KDM8: variants seen among roughly 807,000 people sequenced by gnomAD.
KDM8 encodes the protein bifunctional peptidase and arginyl-hydroxylase JMJD5.
KDM8 carries 35 observed loss-of-function variants against 46.9 expected under a neutral mutation model. The ratio of observed to expected loss-of-function variants is 0.75; its 90% CI spans 0.57 to 0.99. The LOEUF (loss-of-function observed/expected upper bound fraction) is 0.99. Among genes scored for constraint, KDM8 ranks in the 50% least tolerant of loss-of-function variants. KDM8 has a pLI of 0.00. For missense variants in KDM8, 475 were observed against 537.0 expected (o/e 0.88, Z 1.14); for synonymous variants, 232 against 227.7 (o/e 1.02, Z -0.17).
chr16:27,204,255 G>A, intron 1 of KDM8: 2 of 1,407,026 alleles, frequency 1.4e-6, no homozygotes, highest in Non-Finnish European at 1.9e-6. Flanking sequence ...TTAACGATGG[G>A]CATCGGTGCG....
At position 27,221,638 on chromosome 16, in the gene KDM8, G is replaced by A. The variant is rs2083629730; in HGVS notation, c.*908G>A. The A allele has an allele frequency of 6.6e-6, 1 of 152,282 alleles. No homozygotes were observed. The highest frequency in any genetic ancestry group is 1.9e-4 in the East Asian group (1 of 5,200). 9.4% of individuals were successfully genotyped at this position (152,282 alleles called of 1,614,324 possible). ...GATTTGAGGCCAGGGGGAGAGCCAG[G>A]CTCTATGCTTTCTGTAATTGTGTCT... On this transcript the variant is annotated 3_prime_UTR_variant, in exon 8 of 8. Transcript: ENST00000286096.
In KDM8 at chr16:27,204,214, C is replaced by G. The variant is rs374475552; in HGVS notation, c.-32+578C>G. On this transcript the variant is annotated intron_variant, in intron 1 of 7. Transcript: ENST00000286096. ...TCTGGGGCCTGGGTGTGTGACTGCC[C>G]TAAGGAAAGGTGCTTGTAGCTCGGT... 9.4e-5 allele frequency: 136 copies of G among 1,447,700 alleles called. No homozygotes were observed. In the East Asian group the frequency reaches 1.9e-3, roughly 20 times the overall value. 89.7% of individuals were successfully genotyped at this position (1,447,700 alleles called of 1,614,324 possible).
intron 1 of KDM8, among the ~76,000 whole-genome samples, chr16:27,207,215 C>G (rs1375544152): frequency 1.3e-5 from 2 of 152,188 alleles, no homozygotes; most frequent in Non-Finnish European, 2.9e-5. Context: ...GGAGACCAGC[C>G]TGGCCAACAT....
At chr16:27,205,011 G>C (rs527709373) in intron 1 of KDM8, among the ~76,000 whole-genome samples, 1 of 152,236 alleles carries the variant, frequency 6.6e-6, no homozygotes, top group South Asian at 2.1e-4. Context: ...GGGTGACAGA[G>C]CGAGACTCCG....
In KDM8 at chr16:27,203,553, G is replaced by A. The variant is rs1383703471; in HGVS notation, c.-115G>A. On this transcript the variant is annotated 5_prime_UTR_variant, in exon 1 of 8. Transcript: ENST00000286096. ...TCCTATGCTAGCCTCTGGCTCCTCA[G>A]GGGACACAGCCGAGTGGTCGGACCA... 1 of 153,106 alleles carries A rather than the reference G, an allele frequency of 6.5e-6. No homozygotes were observed. Among genetic ancestry groups the A allele is most frequent in the Non-Finnish European group, 1.5e-5 (1 of 68,308 alleles). 9.5% of individuals were successfully genotyped at this position (153,106 alleles called of 1,614,324 possible).
At chr16:27,219,168 C>A in intron 6 of KDM8, 58 bp downstream of exon 6, 8 of 1,497,396 alleles carry the variant, frequency 5.3e-6, no homozygotes, top group East Asian at 2.4e-5. Flanking sequence ...GACACCTGGC[C>A]GGCCACATTC....
At chr16:27,204,416 T>G in intron 1 of KDM8, 4 of 1,163,210 alleles carry the variant, frequency 3.4e-6, no homozygotes, top group Non-Finnish European at 4.4e-6. Flanking sequence ...TGCCATGAAT[T>G]AAAGCTTTCT....
Position 27,220,827 on chromosome 16 carries a change from C to A in KDM8, c.*97C>A. 7.0e-7 allele frequency: 1 copy of A among 1,437,144 alleles called. No homozygotes were observed. Among genetic ancestry groups the A allele is most frequent in the African/African-American group, 1.4e-5 (1 of 71,512 alleles). 89.0% of individuals were successfully genotyped at this position (1,437,144 alleles called of 1,614,324 possible). ...ATCTATAGAGACAAGCAGGACTGAACCTGTGTCCTGAAGAGCCTTCACTGC... is the reference window on the plus strand; with the variant it reads ...ATCTATAGAGACAAGCAGGACTGAAACTGTGTCCTGAAGAGCCTTCACTGC... On this transcript the variant is annotated 3_prime_UTR_variant, in exon 8 of 8. Transcript: ENST00000286096.
At chr16:27,205,835 C>CA (rs926758613) in intron 1 of KDM8, among the ~76,000 whole-genome samples, 1 of 151,352 alleles carries the variant, frequency 6.6e-6, no homozygotes, top group Non-Finnish European at 1.5e-5. Flanking sequence ...GACTCTGTCT[C>CA]AAAAAAAATA....
intron 3 of KDM8, chr16:27,214,567 C>A: frequency 3.1e-6 from 1 of 325,988 alleles, no homozygotes; most frequent in East Asian, 5.6e-5. Flanking sequence ...GGTTTCTCAG[C>A]TTAGTGACAA....
At chr16:27,206,248 A>G in intron 1 of KDM8, 1 of 977,660 alleles carries the variant, frequency 1.0e-6, no homozygotes, top group Non-Finnish European at 1.2e-6. Flanking sequence ...TGTTTGTTTA[A>G]TGTAAGCCTT....
chr16:27,216,768 G>T (rs964440413), intron 5 of KDM8, among the ~76,000 whole-genome samples: 10 of 152,136 alleles, frequency 6.6e-5, no homozygotes, highest in Admixed American at 6.5e-4. Context: ...TGCATCCTGC[G>T]TCCTGTCCAT....
rs548433837 is a variant in KDM8, at chr16:27,221,600, C to T, written c.*870C>T. The T allele has an allele frequency of 6.6e-6, 1 of 152,310 alleles. No individual in the cohort carries two copies. The highest frequency in any genetic ancestry group is 2.1e-4 in the South Asian group (1 of 4,834). The allele number at this position is 152,310 out of a possible 1,614,324, so 9.4% of individuals were successfully genotyped here. A position where few individuals can be genotyped will look rare whatever the true frequency, so the allele number is the denominator to read the frequency against. ...TCACCATCCCCCAGAAGTAATGACT[C>T]TCAAACCTGGGGGATTTGAGGCCAG... is the stretch of plus-strand genomic sequence containing the variant. On this transcript the variant is annotated 3_prime_UTR_variant, in exon 8 of 8. Transcript: ENST00000286096.
rs777145852 is a variant in KDM8 at position 27,210,547 on chromosome 16, G to A, written c.424G>A (p.Ala142Thr). ...AILGDILLKVAAILQTHLPGK... is the reference protein window; with the variant it reads ...AILGDILLKVTAILQTHLPGK... ...CCTGGGGGACATCCTTCTTAAAGTC[G>A]CTGCCATCCTCCAGACACACCTCCC... The change falls in exon 2 of 8, where the codon GCT becomes ACT. Residue 142 changes from alanine to threonine, a missense_variant. Ala to Thr is a moderately conservative substitution (Grantham distance 58). Coordinates refer to ENST00000286096, the MANE Select transcript of KDM8 (RefSeq NM_024773.3). 10 of 1,534,468 alleles carry A rather than the reference G, an allele frequency of 6.5e-6. No homozygotes were observed. The highest frequency in any genetic ancestry group is 4.0e-5 in the Admixed American group (2 of 49,654).
At chr16:27,218,608 G>A (rs569272373) in intron 5 of KDM8, among the ~76,000 whole-genome samples, 4 of 152,346 alleles carry the variant, frequency 2.6e-5, no homozygotes, top group East Asian at 1.9e-4. Flanking sequence ...TTGGGAGGCC[G>A]AGGCGGGTGG....
chr16:27,216,045 C>T (rs2083547218), intron 5 of KDM8, 56 bp downstream of exon 5: 2 of 1,581,032 alleles, frequency 1.3e-6, no homozygotes, highest in African/African-American at 2.7e-5. Flanking sequence ...CCCTCTCCTC[C>T]CCTCCTGGGC....
At chr16:27,217,087 T>C (rs2140973976) in intron 5 of KDM8, among the ~76,000 whole-genome samples, 1 of 152,328 alleles carries the variant, frequency 6.6e-6, no homozygotes, top group African/African-American at 2.4e-5. Flanking sequence ...GTCCCAGAGC[T>C]GAGTGTCTAC....
At chr16:27,220,280 G>A (rs1596660948) in intron 6 of KDM8, 113 bp from the exon 7 acceptor site, 1 of 832,296 alleles carries the variant, frequency 1.2e-6, no homozygotes, top group Non-Finnish European at 2.1e-6. Flanking sequence ...GTGTGGTGGG[G>A]AAGGGCAGGC....
rs1230719184 is a variant in KDM8 at position 27,221,766 on chromosome 16, G to C, written c.*1036G>C. On this transcript the variant is annotated 3_prime_UTR_variant, in exon 8 of 8. Coordinates refer to ENST00000286096, the MANE Select transcript of KDM8 (RefSeq NM_024773.3). ...CTAAATAGAGATGGGATCTTGCTAT[G>C]TTGCCCAGGCTGGTCTTGAACTTCT... The C allele has an allele frequency of 6.6e-6, 1 of 152,334 alleles. No homozygotes were observed. The highest frequency in any genetic ancestry group is 2.4e-5 in the African/African-American group (1 of 41,450). The allele number at this position is 152,334 out of a possible 1,614,324, so 9.4% of individuals were successfully genotyped here. A position where few individuals can be genotyped will look rare whatever the true frequency, so the allele number is the denominator to read the frequency against.
Sources: allele counts gnomAD v4.1 joint callset (sites outside exome capture counted in the v4.1 genomes callset), GRCh38; gene constraint gnomAD v4.1.1; transcripts MANE v1.5; gene names NCBI Gene and HGNC (gene_info 2026-07-23, HGNC 2026-07-21).